CLEC12A: variants seen among roughly 807,000 people sequenced by gnomAD.
The protein encoded by CLEC12A is C-type lectin protein CLL-1.
A neutral mutation model predicts 26.5 loss-of-function variants in CLEC12A; 22 were observed. The observed-to-expected ratio is 0.83, with a 90% confidence interval of 0.59 to 1.19. The LOEUF is 1.19. Ranked by LOEUF, CLEC12A falls within the 50% of genes most tolerant of loss-of-function variation. CLEC12A has a pLI of 0.00. For missense variants in CLEC12A, 353 were observed against 315.6 expected, an observed-to-expected ratio of 1.12 and a Z score of -0.90; for synonymous variants, 119 against 101.9, an observed-to-expected ratio of 1.17 and a Z score of -1.01.
At chr12:9,991,620 C>T (rs947634858) in intron 4 of CLEC12A, 1 of 152,004 alleles carries the variant, frequency 6.6e-6, no homozygotes, top group African/African-American at 2.4e-5. Context: ...TTTTCCTAAG[C>T]CCTCCAAATC....
At chr12:10,004,341 A>G in the CLEC12A span, among the ~76,000 whole-genome samples, 1 of 152,228 alleles carries the variant, frequency 6.6e-6, no homozygotes, top group Non-Finnish European at 1.5e-5. Context: ...CGGGTCACAC[A>G]TGAACTCAAA....
chr12:9,983,481 A>C (rs1188949405), intron 5 of CLEC12A: 23 of 692,642 alleles, frequency 3.3e-5, no homozygotes, highest in Non-Finnish European at 6.0e-5. Context: ...ATATAAAAAT[A>C]GTGGCAAATT....
chr12:9,961,243 G>A (rs149606821), intron 1 of CLEC12A, among the ~76,000 whole-genome samples: 105 of 152,338 alleles, frequency 6.9e-4, no homozygotes, highest in Non-Finnish European at 1.3e-3. Context: ...ATTAATGCCT[G>A]AGAGATATAA....
Position 9,966,294 on chromosome 12 carries a change from C to T in CLEC12A, c.11-5283C>T, listed in dbSNP as rs1484594635. On this transcript the variant is annotated intron_variant, in intron 1 of 6. Transcript: ENST00000355690. Reference sequence around the variant, plus strand: ...AGTTACCTAGAGTGTCTGTGATGGTCCTGTAGGCTTCTGAGGTGATTGGGC... The same window carrying T: ...AGTTACCTAGAGTGTCTGTGATGGTTCTGTAGGCTTCTGAGGTGATTGGGC... Among the ~76,000 whole-genome samples, 6 of 152,156 alleles carry T rather than the reference C, an allele frequency of 3.9e-5. No individual in the cohort carries two copies. In the East Asian group the frequency reaches 9.6e-4, roughly 24 times the overall value.
chr12:9,963,143 G>T (rs899019669), intron 1 of CLEC12A, among the ~76,000 whole-genome samples: 1 of 152,122 alleles, frequency 6.6e-6, no homozygotes, highest in Non-Finnish European at 1.5e-5. Context: ...AAGAGAAGGA[G>T]AAAAACAGGT....
Position 9,982,052 on chromosome 12 carries a change from C to G in CLEC12A, c.564C>G (p.Asp188Glu), listed in dbSNP as rs772004192. ...TAAAATCCCAGAGTAGATCATATGACTATTGGCTGGGATTATCTCCTGAAG... is the reference window on the plus strand; with the variant it reads ...TAAAATCCCAGAGTAGATCATATGAGTATTGGCTGGGATTATCTCCTGAAG... Reference protein sequence around the residue: ...EFIKSQSRSYDYWLGLSPEED... With the variant: ...EFIKSQSRSYEYWLGLSPEED... The change falls in exon 5 of 6, where the codon GAC becomes GAG. Residue 188 changes from aspartate (D) to glutamate (E), a missense_variant. Coordinates refer to ENST00000304361, the MANE Select transcript of CLEC12A (RefSeq NM_138337.6). The G allele has an allele frequency of 1.3e-6, 2 of 1,593,684 alleles. No homozygotes were observed. The highest frequency in any genetic ancestry group is 2.2e-5 in the East Asian group (1 of 44,616).
intron 5 of CLEC12A, among the ~76,000 whole-genome samples, chr12:9,983,104 TACA>T (rs1264878828): frequency 6.6e-6 from 1 of 152,186 alleles, no homozygotes; most frequent in Non-Finnish European, 1.5e-5. Context: ...TAAATAGTTC[TACA>T]ACAAACATTT....
At chr12:9,993,108 G>T (rs772842340) in intron 4 of CLEC12A, 2 of 1,583,552 alleles carry the variant, frequency 1.3e-6, no homozygotes, top group Non-Finnish European at 1.7e-6. Context: ...GTACAATAAA[G>T]CCCTTATCTG....
chr12:9,976,462 G>A (rs1423365866), intron 1 of CLEC12A, among the ~76,000 whole-genome samples: 1 of 152,168 alleles, frequency 6.6e-6, no homozygotes, highest in African/African-American at 2.4e-5. Context: ...GGGGCCTGTA[G>A]CCCCTTTGTT....
downstream of CLEC12A, chr12:9,999,111 G>C: frequency 6.3e-7 from 1 of 1,594,910 alleles, no homozygotes; most frequent in Non-Finnish European, 8.6e-7. Flanking sequence ...GGCTTCCCGA[G>C]TACTGCAACT....
chr12:9,983,155 T>C (rs1864629845), intron 5 of CLEC12A, among the ~76,000 whole-genome samples: 1 of 152,106 alleles, frequency 6.6e-6, no homozygotes, highest in Non-Finnish European at 1.5e-5. Flanking sequence ...ATAATTCCTT[T>C]CCCTTTGGTT....
intron 4 of CLEC12A, chr12:9,991,142 C>T (rs1297711851): frequency 1.3e-5 from 2 of 152,038 alleles, no homozygotes; most frequent in Non-Finnish European, 2.9e-5. Flanking sequence ...ACAATATTTC[C>T]GAGGCATGCC....
chr12:9,972,534 AC>A, intron 1 of CLEC12A, among the ~76,000 whole-genome samples: 1 of 152,208 alleles, frequency 6.6e-6, no homozygotes, highest in Non-Finnish European at 1.5e-5. Flanking sequence ...AATAACTTAA[AC>A]AGTGATAGTG....
chr12:9,954,002 T>C (rs1388315677), intron 1 of CLEC12A, among the ~76,000 whole-genome samples: 1 of 146,042 alleles, frequency 6.8e-6, no homozygotes, highest in Non-Finnish European at 1.5e-5. Flanking sequence ...AAACAGATGC[T>C]TGAAGGCAGC....
downstream of CLEC12A, among the ~76,000 whole-genome samples, chr12:9,998,641 T>C (rs919705493): frequency 4.0e-4 from 28 of 69,536 alleles, no homozygotes; most frequent in Middle Eastern, 6.8e-3. Flanking sequence ...GATGTGTTTG[T>C]ATTTTTTGTT....
upstream of CLEC12A, among the ~76,000 whole-genome samples, chr12:9,970,913 A>C (rs1864102329): frequency 6.6e-6 from 1 of 152,200 alleles, no homozygotes; most frequent in Non-Finnish European, 1.5e-5. Flanking sequence ...AAAAACCAGA[A>C]TTACTTTAGC....
intron 2 of CLEC12A, 72 bp from the exon 3 acceptor site, chr12:9,979,264 A>C: frequency 6.6e-6 from 8 of 1,216,194 alleles, no homozygotes; most frequent in Non-Finnish European, 9.3e-6. Context: ...TCTTTATACT[A>C]CTTCTGCAAA....
downstream of CLEC12A, among the ~76,000 whole-genome samples, chr12:9,986,702 T>A (rs1474496635): frequency 6.6e-6 from 1 of 152,050 alleles, no homozygotes; most frequent in African/African-American, 2.4e-5. Context: ...TCCCAGCTAC[T>A]CGGGAGGCTG....
At chr12:9,958,143 T>C (rs7306520) in intron 1 of CLEC12A, among the ~76,000 whole-genome samples, 47,785 of 152,184 alleles carry the variant, frequency 0.31, 7,936 homozygotes, top group East Asian at 0.47. Context: ...GGAATTGTTC[T>C]ATTTTGCAAA....
Sources: allele counts gnomAD v4.1 joint callset (sites outside exome capture counted in the v4.1 genomes callset), GRCh38; gene constraint gnomAD v4.1.1; transcripts MANE v1.5; gene names NCBI Gene and HGNC (gene_info 2026-07-23, HGNC 2026-07-21).